Variants in PTPRD observed in about 807,000 individuals in gnomAD.
The protein encoded by PTPRD is protein tyrosine phosphatase receptor type D, also known as receptor-type tyrosine-protein phosphatase delta.
A neutral mutation model predicts 214.5 loss-of-function variants in PTPRD; 34 were observed. That is an observed-to-expected ratio of 0.16 (90% CI 0.12 to 0.21). The LOEUF (loss-of-function observed/expected upper bound fraction) is 0.21. Ranked by LOEUF, PTPRD falls within the 10% of genes least tolerant of loss-of-function variation. The pLI is 1.00. For missense variants in PTPRD, 2,545 were observed against 2,398.7 expected (o/e 1.06, Z -1.27); for synonymous variants, 1,128 against 845.7 (o/e 1.33, Z -5.79).
At chr9:8,401,180 T>C (rs2130166724) in intron 36 of PTPRD, among the ~76,000 whole-genome samples, 1 of 151,508 alleles carries the variant, frequency 6.6e-6, no homozygotes, top group African/African-American at 2.4e-5. Flanking sequence ...TTTTTTTTTT[T>C]TCCAGATGGG....
intron 3 of PTPRD, among the ~76,000 whole-genome samples, chr9:10,148,185 T>C (rs2099036968): frequency 6.6e-6 from 1 of 152,226 alleles, no homozygotes; most frequent in Admixed American, 6.5e-5. Flanking sequence ...TTGCTGGTGT[T>C]CTTGCTTCTG....
chr9:9,108,944 C>T (rs898081770), intron 10 of PTPRD, among the ~76,000 whole-genome samples: 3 of 152,162 alleles, frequency 2.0e-5, no homozygotes, highest in Non-Finnish European at 2.9e-5. Context: ...AGAGATACGA[C>T]TGGCATCTCA....
intron 9 of PTPRD, among the ~76,000 whole-genome samples, chr9:9,300,708 AC>A (rs1954940169): frequency 6.6e-6 from 1 of 151,798 alleles, no homozygotes; most frequent in Non-Finnish European, 1.5e-5. Flanking sequence ...GAAGGCTGTC[AC>A]CAGTACCTCA....
chr9:9,215,499 C>T (rs1046308639), intron 9 of PTPRD, among the ~76,000 whole-genome samples: 5 of 151,934 alleles, frequency 3.3e-5, no homozygotes, highest in African/African-American at 1.2e-4. Flanking sequence ...TGGAAATTTC[C>T]ACTGCTCCAT....
At chr9:9,067,583 A>G (rs1024606774) in intron 10 of PTPRD, among the ~76,000 whole-genome samples, 5 of 152,196 alleles carry the variant, frequency 3.3e-5, no homozygotes, top group African/African-American at 1.2e-4. Flanking sequence ...TTGCAAGGAC[A>G]TTTTAAATTA....
At chr9:8,406,285 T>A (rs2092969592) in intron 35 of PTPRD, among the ~76,000 whole-genome samples, 1 of 152,198 alleles carries the variant, frequency 6.6e-6, no homozygotes, top group Non-Finnish European at 1.5e-5. Context: ...CAAGTCAACC[T>A]TGAACCATGT....
chr9:10,042,120 C>CT (rs879493735), intron 3 of PTPRD, among the ~76,000 whole-genome samples: 22 of 151,972 alleles, frequency 1.4e-4, no homozygotes, highest in Non-Finnish European at 2.2e-4. Flanking sequence ...CTTTCGACTG[C>CT]TTTTTTCCAG....
chr9:8,362,749 T>C (rs142635669), intron 39 of PTPRD, among the ~76,000 whole-genome samples: 14 of 152,338 alleles, frequency 9.2e-5, no homozygotes, highest in African/African-American at 1.2e-4. Context: ...GAAGATGCCA[T>C]TGGCAAATGA....
At chr9:8,601,847 T>C (rs1291690694) in intron 14 of PTPRD, among the ~76,000 whole-genome samples, 2 of 152,122 alleles carry the variant, frequency 1.3e-5, no homozygotes, top group African/African-American at 4.8e-5. Context: ...ATTTAGTCAG[T>C]TAAGAAATAT....
intron 12 of PTPRD, among the ~76,000 whole-genome samples, chr9:8,707,697 C>A (rs562709555): frequency 1.3e-5 from 2 of 152,334 alleles, no homozygotes; most frequent in East Asian, 3.9e-4. Flanking sequence ...GTGTTCCTCA[C>A]AGAGAGAAAA....
Position 10,096,671 on chromosome 9 carries a change from C to T in PTPRD, c.-544-62881G>A, listed in dbSNP as rs552785219. On this transcript the variant is annotated intron_variant, in intron 3 of 45. Transcript: ENST00000381196. The stretch of plus-strand genomic sequence containing the variant: ...GTCAGATGAGTAGGTTGCAAAAATT[C>T]TCTCCCATTCGGTAGGTTGCCTGTT... 3.3e-3 allele frequency among the ~76,000 whole-genome samples: 506 copies of T among 151,866 alleles called. 4 individuals carry two copies. The highest frequency in any genetic ancestry group is 7.1e-3 in the African/African-American group (295 of 41,474).
chr9:8,347,548 A>G (rs2132957332), intron 39 of PTPRD, among the ~76,000 whole-genome samples: 1 of 152,316 alleles, frequency 6.6e-6, no homozygotes, highest in Admixed American at 6.5e-5. Flanking sequence ...GGATGCTGGT[A>G]GAGCACCTTT....
chr9:10,223,783 G>C (rs1040477497), intron 3 of PTPRD, among the ~76,000 whole-genome samples: 1 of 150,352 alleles, frequency 6.7e-6, no homozygotes, highest in Non-Finnish European at 1.5e-5. Context: ...AGAAGCAAAA[G>C]AAAATTGTAA....
chr9:8,410,563 A>T (rs1564615747), intron 35 of PTPRD, among the ~76,000 whole-genome samples: 1 of 152,166 alleles, frequency 6.6e-6, no homozygotes, highest in Admixed American at 6.6e-5. Context: ...TGAAATAAAG[A>T]TTTTTCAAGA....
At chr9:9,967,553 G>C (rs1305290707) in intron 4 of PTPRD, among the ~76,000 whole-genome samples, 1 of 152,154 alleles carries the variant, frequency 6.6e-6, no homozygotes, top group Admixed American at 6.5e-5. Flanking sequence ...AATCCTTACA[G>C]TGACCATAAA....
chr9:8,769,640 C>T (rs983876439), intron 11 of PTPRD, among the ~76,000 whole-genome samples: 42 of 152,040 alleles, frequency 2.8e-4, no homozygotes, highest in African/African-American at 9.7e-4. Flanking sequence ...AACATCAGCC[C>T]TCAGTGTAAA....
At chr9:8,605,983 G>A (rs1342846099) in intron 14 of PTPRD, among the ~76,000 whole-genome samples, 1 of 152,042 alleles carries the variant, frequency 6.6e-6, no homozygotes, top group African/African-American at 2.4e-5. Flanking sequence ...GTGTCGAGGG[G>A]TGGGGATGTA....
intron 11 of PTPRD, among the ~76,000 whole-genome samples, chr9:8,852,293 T>A (rs2097834454): frequency 6.6e-6 from 1 of 152,216 alleles, no homozygotes; most frequent in African/African-American, 2.4e-5. Context: ...TTTATAAATT[T>A]AATCAATCTC....
At chr9:10,152,954 G>A (rs1331253497) in intron 3 of PTPRD, among the ~76,000 whole-genome samples, 4 of 152,068 alleles carry the variant, frequency 2.6e-5, no homozygotes, top group East Asian at 1.9e-4. Context: ...ACATATCTGT[G>A]GAATATAAAA....
Sources: gnomAD v4.1 joint callset for allele counts (sites outside exome capture counted in the v4.1 genomes callset) on GRCh38, gnomAD v4.1.1 for gene constraint, MANE v1.5 for transcripts, NCBI Gene and HGNC (gene_info 2026-07-23, HGNC 2026-07-21) for gene names.